Variants in DMRT2 observed in about 807,000 individuals in gnomAD.
DMRT2 encodes the protein doublesex- and mab-3-related transcription factor 2.
Under a neutral mutation model 43.5 loss-of-function variants are expected in DMRT2, and 33 were observed. The observed-to-expected ratio is 0.76, with a 90% CI of 0.58 to 1.01. DMRT2 has a LOEUF of 1.01. DMRT2 is among the 50% of genes least tolerant of loss of function. The pLI is 0.00. For missense variants in DMRT2, 1,064 were observed against 748.0 expected, an observed-to-expected ratio of 1.42 and a Z score of -4.93; for synonymous variants, 395 against 309.2, an observed-to-expected ratio of 1.28 and a Z score of -2.91.
chr9:1,055,910 A>C (rs1162036929), intron 3 of DMRT2: 1 of 1,431,228 alleles, frequency 7.0e-7, no homozygotes, highest in Admixed American at 3.0e-5. Context: ...CCTGGGAAGA[A>C]TATTAAAATT....
intron 3 of DMRT2, 52 bp from the exon 4 acceptor site, chr9:1,056,164 T>A (rs1821968661): frequency 7.1e-6 from 11 of 1,542,132 alleles, no homozygotes; most frequent in Non-Finnish European, 9.6e-6. Flanking sequence ...GTTTCCACAT[T>A]TTTATTCCGT....
At chr9:1,053,641 A>T (rs1821767083) in intron 2 of DMRT2, 81 bp from the exon 3 acceptor site, 2 of 1,202,188 alleles carry the variant, frequency 1.7e-6, no homozygotes, top group African/African-American at 3.0e-5. Flanking sequence ...TTTCTAGAAG[A>T]TTTACGGACA....
Position 1,056,226 on chromosome 9 carries a change from C to G in DMRT2, c.639C>G (p.Pro213=). 1 of 1,607,110 alleles carries G rather than the reference C, an allele frequency of 6.2e-7. No individual in the cohort carries two copies. Among genetic ancestry groups the G allele is most frequent in the Non-Finnish European group, 8.5e-7 (1 of 1,177,620 alleles). Residue 213 remains proline, a synonymous_variant, in exon 4 of 4, where the codon CCC becomes CCG. Transcript: ENST00000358146. ...LAKSILEGYR[P]IPAETYVGGT... Reference sequence around the variant, plus strand: ...CTTTGCTTCTTGTAGGCTATCGCCCCATTCCAGCGGAGACTTATGTAGGAG... The same window carrying G: ...CTTTGCTTCTTGTAGGCTATCGCCCGATTCCAGCGGAGACTTATGTAGGAG...
chr9:1,055,505 A>C (rs917861168), intron 3 of DMRT2, among the ~76,000 whole-genome samples: 1 of 152,022 alleles, frequency 6.6e-6, no homozygotes, highest in Non-Finnish European at 1.5e-5. Flanking sequence ...AGAGCAGGGA[A>C]TACTCCCCGC....
rs966902183 is a variant in DMRT2 at position 1,056,979 on chromosome 9, G to T, written c.1392G>T (p.Leu464=). ...KISKENTRHP[L]PLRHNPFHSL... The stretch of plus-strand genomic sequence containing the variant: ...GCAAAGAAAACACCAGGCACCCTCT[G>T]CCACTTAGACATAATCCATTCCACT... Residue 464 remains leucine (L), a synonymous_variant, in exon 4 of 4, where the codon CTG becomes CTT. Transcript: ENST00000358146. 1 of 1,614,184 alleles carries T rather than the reference G, an allele frequency of 6.2e-7. No individual in the cohort carries two copies. Among genetic ancestry groups the T allele is most frequent in the Non-Finnish European group, 8.5e-7 (1 of 1,180,028 alleles).
chr9:1,055,891 C>G (rs893379124), intron 3 of DMRT2: 1 of 1,479,396 alleles, frequency 6.8e-7, no homozygotes, highest in Non-Finnish European at 8.9e-7. Context: ...TCTCTTAATG[C>G]GTAGGGGGCC....
Position 1,056,904 on chromosome 9 carries a change from T to G in DMRT2, c.1317T>G (p.Ile439Met). The change falls in exon 4 of 4, where the codon ATT becomes ATG. Residue 439 changes from isoleucine to methionine, a missense_variant. By Grantham distance (10) the Ile-to-Met change is conservative. Coordinates refer to ENST00000358146, the MANE Select transcript of DMRT2 (RefSeq NM_181872.6). ...FSPPRRNFSP[I>M]VDTDSLAAQG... is the part of the protein sequence containing the mutation. ...CACCCCGACGGAATTTCTCTCCCAT[T>G]GTTGACACGGACTCCCTGGCAGCTC... 6.2e-7 allele frequency: 1 copy of G among 1,614,100 alleles called. No homozygotes were observed. The highest frequency in any genetic ancestry group is 8.5e-7 in the Non-Finnish European group (1 of 1,180,022).
Position 1,056,402 on chromosome 9 carries a change from A to G in DMRT2, c.815A>G (p.Asn272Ser), listed in dbSNP as rs138608089. 5.1e-4 allele frequency: 825 copies of G among 1,614,162 alleles called. 2 individuals are homozygous for G. The African/African-American group carries it at 9.5e-3, about 19-fold the overall frequency. The change falls in exon 4 of 4, where the codon AAC becomes AGC. Residue 272 changes from asparagine to serine, a missense_variant. By Grantham distance (46) the Asn-to-Ser change is conservative (BLOSUM62 1). Transcript: ENST00000358146. ...TSQAAALFLP[N>S]RMVPGPDYNS... ...CAAGCTGCTGCTCTGTTTCTGCCCA[A>G]CCGCATGGTGCCTGGACCTGACTAC...
Position 1,051,888 on chromosome 9 carries a change from C to G in DMRT2, c.275C>G (p.Pro92Arg), listed in dbSNP as rs1047854753. 2.2e-6 allele frequency: 3 copies of G among 1,378,282 alleles called. No homozygotes were observed. The highest frequency in any genetic ancestry group is 2.8e-6 in the Non-Finnish European group (3 of 1,077,734). 85.4% of individuals were successfully genotyped at this position (1,378,282 alleles called of 1,614,324 possible). ...GGPQPRPPLAPQASPAGTGPR... is the reference protein window; with the variant it reads ...GGPQPRPPLARQASPAGTGPR... Reference sequence around the variant, plus strand: ...CCGCAGCCGAGGCCGCCGCTCGCGCCTCAGGCCTCACCCGCCGGCACCGGT... The same window carrying G: ...CCGCAGCCGAGGCCGCCGCTCGCGCGTCAGGCCTCACCCGCCGGCACCGGT... The change falls in exon 2 of 4, where the codon CCT (proline) becomes CGT (arginine). Residue 92 changes from proline to arginine, a missense_variant. By Grantham distance (103) the Pro-to-Arg change is moderately radical. Transcript: ENST00000358146. The surrounding 1 kb of genome is among the most constrained non-coding windows in gnomAD (Gnocchi z 5.9).
chr9:1,055,199 A>T (rs748834163), intron 3 of DMRT2, among the ~76,000 whole-genome samples: 2 of 152,230 alleles, frequency 1.3e-5, no homozygotes, highest in African/African-American at 2.4e-5. Context: ...ATTAATTTTC[A>T]AATTTTATTT....
At chr9:1,052,312 A>G (rs928153525) in intron 2 of DMRT2, among the ~76,000 whole-genome samples, 174 bp downstream of exon 2, 2 of 152,100 alleles carry the variant, frequency 1.3e-5, no homozygotes, top group Non-Finnish European at 2.9e-5. Flanking sequence ...GTCGGGAGGG[A>G]AAAAGCAGGC....
rs756882938 is a variant in DMRT2, at chr9:1,051,973, G to T, written c.360G>T (p.Thr120=). Reference sequence around the variant, plus strand: ...CGGAGCCGCGCAAGCTGAGCCGCACGCCCAAGTGCGCGCGCTGCCGCAACC... The same window carrying T: ...CGGAGCCGCGCAAGCTGAGCCGCACTCCCAAGTGCGCGCGCTGCCGCAACC... ...GGAEPRKLSR[T]PKCARCRNHG... is the part of the protein sequence containing the mutation. Residue 120 remains threonine, a synonymous_variant, in exon 2 of 4, where the codon ACG becomes ACT. Coordinates refer to ENST00000358146, the MANE Select transcript of DMRT2 (RefSeq NM_181872.6). This position sits in a 1 kb window ranked among gnomAD's most constrained non-coding sequence, Gnocchi z 5.9. The T allele has an allele frequency of 1.4e-5, 20 of 1,434,070 alleles. No individual in the cohort carries two copies. The highest frequency in any genetic ancestry group is 1.7e-5 in the Non-Finnish European group (19 of 1,099,730). 88.8% of individuals were successfully genotyped at this position (1,434,070 alleles called of 1,614,324 possible). A position where few individuals can be genotyped will look rare whatever the true frequency, so the allele number is the denominator to read the frequency against.
In DMRT2 at chr9:1,052,140, T is replaced by TCCACCAGCAG; in HGVS notation, c.525+2_525+3insCCACCAGCAG. ...CTCCGGAGGCAGCAGGCCACCGAGG[T>TCCACCAGCAG]GCGTACCCGCCCGGCCCGGGCGTCT... On this transcript the variant is annotated splice_region_variant and intron_variant, in intron 2 of 3. Coordinates refer to ENST00000358146, the MANE Select transcript of DMRT2 (RefSeq NM_181872.6). 2.2e-6 allele frequency: 3 copies of TCCACCAGCAG among 1,386,468 alleles called. No homozygotes were observed. The highest frequency in any genetic ancestry group is 2.8e-6 in the Non-Finnish European group (3 of 1,076,114). The allele number at this position is 1,386,468 out of a possible 1,614,324, so 85.9% of individuals were successfully genotyped here.
chr9:1,053,169 A>G (rs553361390), intron 2 of DMRT2: 1 of 152,690 alleles, frequency 6.5e-6, no homozygotes, highest in South Asian at 2.1e-4. Flanking sequence ...GTGACTGCAG[A>G]GGCGAGGGTG....
At chr9:1,055,957 A>G (rs1033617798) in intron 3 of DMRT2, 1 of 1,399,198 alleles carries the variant, frequency 7.1e-7, no homozygotes, top group Admixed American at 3.4e-5. Context: ...GCAAGCAAGC[A>G]AACAAATCCA....
At position 1,053,797 on chromosome 9, in the gene DMRT2, A is replaced by G. The variant is rs772698447; in HGVS notation, c.601A>G (p.Ser201Gly). 1 of 1,614,168 alleles carries G rather than the reference A, an allele frequency of 6.2e-7. No homozygotes were observed. The highest frequency in any genetic ancestry group is 1.7e-5 in the Admixed American group (1 of 60,000). The change falls in exon 3 of 4, where the codon AGT (serine) becomes GGT (glycine). Residue 201 changes from serine to glycine, a missense_variant. Transcript: ENST00000358146. ...GTACCAGAGGCAAGTCAGAGCCCCC[A>G]GTTTGCTGGCCAAAAGCATTTTAGA... ...AVYQRQVRAP[S>G]LLAKSILEGY...
chr9:1,055,893 T>C, intron 3 of DMRT2: 1 of 1,483,476 alleles, frequency 6.7e-7, no homozygotes, highest in Non-Finnish European at 8.9e-7. Context: ...TCTTAATGCG[T>C]AGGGGGCCTG....
Position 1,055,957 on chromosome 9 carries a change from A to T in DMRT2, c.629-259A>T, listed in dbSNP as rs1033617798. The T allele has an allele frequency of 3.6e-6, 5 of 1,399,080 alleles. No homozygotes were observed. In the African/African-American group the frequency reaches 7.3e-5, roughly 21 times the overall value. The allele number at this position is 1,399,080 out of a possible 1,614,324, so 86.7% of individuals were successfully genotyped here. ...AGTATGTCTGTTGAAGCAAGCAAGCAAACAAATCCATAACAACCACAACAA... is the reference window on the plus strand; with the variant it reads ...AGTATGTCTGTTGAAGCAAGCAAGCTAACAAATCCATAACAACCACAACAA... On this transcript the variant is annotated intron_variant, in intron 3 of 3. Transcript: ENST00000358146.
At position 1,051,481 on chromosome 9, in the gene DMRT2, G is replaced by C; in HGVS notation, c.-44-89G>C. ...AACAGGATGACTCAAGCGGCCGGAGGCGGGCAGACCAGGAGCTTTGGGCCG... is the reference window on the plus strand; with the variant it reads ...AACAGGATGACTCAAGCGGCCGGAGCCGGGCAGACCAGGAGCTTTGGGCCG... On this transcript the variant is annotated intron_variant, in intron 1 of 3. Coordinates refer to ENST00000358146, the MANE Select transcript of DMRT2 (RefSeq NM_181872.6). The surrounding 1 kb of genome is among the most constrained non-coding windows in gnomAD (Gnocchi z 5.9). The C allele has an allele frequency of 7.2e-7, 1 of 1,382,082 alleles. No individual in the cohort carries two copies. The highest frequency in any genetic ancestry group is 9.3e-7 in the Non-Finnish European group (1 of 1,071,262). The allele number at this position is 1,382,082 out of a possible 1,614,324, so 85.6% of individuals were successfully genotyped here.
Sources: allele counts gnomAD v4.1 joint callset (sites outside exome capture counted in the v4.1 genomes callset), GRCh38; gene constraint gnomAD v4.1.1; non-coding constraint Gnocchi (gnomAD v3.1); transcripts MANE v1.5; gene names NCBI Gene and HGNC (gene_info 2026-07-23, HGNC 2026-07-21).